The following PDCD11 variants were observed in gnomAD, a reference collection of about 807,000 sequenced individuals.
PDCD11 encodes the protein protein RRP5 homolog.
A neutral mutation model predicts 198.9 loss-of-function variants in PDCD11; 97 were observed. That is an observed-to-expected ratio of 0.49 (90% confidence interval 0.41 to 0.58). The LOEUF (loss-of-function observed/expected upper bound fraction) is 0.58, where lower values mean the gene tolerates loss of function less well. PDCD11 is among the 20% of genes least tolerant of loss of function. The pLI is 0.00. For synonymous variants in PDCD11, 893 were observed against 918.0 expected, an observed-to-expected ratio of 0.97 and a Z score of 0.49; for missense variants, 2,102 against 2,312.7, an observed-to-expected ratio of 0.91 and a Z score of 1.87.
intron 8 of PDCD11, among the ~76,000 whole-genome samples, chr10:103,411,035 A>G (rs1430512331): frequency 6.6e-6 from 1 of 151,052 alleles, no homozygotes; most frequent in Non-Finnish European, 1.5e-5. Flanking sequence ...AGATTGTGCC[A>G]CTGCACCCCA....
In PDCD11 at chr10:103,445,770, A is replaced by C; in HGVS notation, c.*221A>C. The stretch of plus-strand genomic sequence containing the variant: ...GTACCAACTTGTTATCTTTTTCCTT[A>C]TCTGAGGCTACCTGGGGATTGTGGG... On this transcript the variant is annotated 3_prime_UTR_variant, in exon 36 of 36. Transcript: ENST00000369797. 2 of 494,130 alleles carry C rather than the reference A, an allele frequency of 4.0e-6. No individual in the cohort carries two copies. Among genetic ancestry groups the C allele is most frequent in the Non-Finnish European group, 3.6e-6 (1 of 274,436 alleles). 30.6% of individuals were successfully genotyped at this position (494,130 alleles called of 1,614,324 possible). A position where few individuals can be genotyped will look rare whatever the true frequency, so the allele number is the denominator to read the frequency against.
At chr10:103,424,684 T>C (rs1002656133) in intron 19 of PDCD11, among the ~76,000 whole-genome samples, 9 of 152,214 alleles carry the variant, frequency 5.9e-5, no homozygotes, top group Non-Finnish European at 1.3e-4. Context: ...ATCAGAATTA[T>C]CTCAATAACT....
At position 103,439,789 on chromosome 10, in the gene PDCD11, T is replaced by G; in HGVS notation, c.4069T>G (p.Ser1357Ala). ...VVGLARYSHV[S>A]QHSPSKKALY... ...GGGTTTGGCTCGGTACTCCCATGTC[T>G]CCCAGCACAGCCCGTCCAAGAAAGC... Residue 1357 changes from serine (S) to alanine (A), a missense_variant, in exon 28 of 36, where the codon TCC becomes GCC. Physicochemically the swap from Ser to Ala is moderately conservative, Grantham distance 99. Coordinates refer to ENST00000369797, the MANE Select transcript of PDCD11 (RefSeq NM_014976.2). 1 of 1,614,136 alleles carries G rather than the reference T, an allele frequency of 6.2e-7. No homozygotes were observed. The highest frequency in any genetic ancestry group is 1.6e-4 in the Middle Eastern group (1 of 6,062).
chr10:103,399,587 A>T (rs554973766), intron 2 of PDCD11: 46 of 152,358 alleles, frequency 3.0e-4, no homozygotes, highest in African/African-American at 1.1e-3. Flanking sequence ...TCTCACCTAG[A>T]CTAGGCTGTG....
At position 103,427,316 on chromosome 10, in the gene PDCD11, T is replaced by C. The variant is rs1454924148; in HGVS notation, c.3306-13T>C. The C allele has an allele frequency of 6.2e-7, 1 of 1,609,428 alleles. No homozygotes were observed. The highest frequency in any genetic ancestry group is 1.7e-5 in the Admixed American group (1 of 59,962). On this transcript the variant is annotated splice_polypyrimidine_tract_variant and intron_variant, in intron 20 of 35. Coordinates refer to ENST00000369797, the MANE Select transcript of PDCD11 (RefSeq NM_014976.2). ...AGATGAAGAGAAATGATTCAGCTTA[T>C]TTGTTTCTCCAGGTATCTCCCAATA...
rs369958000 is a variant in PDCD11, at chr10:103,408,655, G to C, written c.871-1044G>C. ...ATCCAGGTTCAAGTGATTCTCCTGC[G>C]TTAGCCTCCAGAGTAGCTGGGACTA... is the stretch of plus-strand genomic sequence containing the variant. On this transcript the variant is annotated intron_variant, in intron 7 of 35. Coordinates refer to ENST00000369797, the MANE Select transcript of PDCD11 (RefSeq NM_014976.2). Among the ~76,000 whole-genome samples the C allele has an allele frequency of 3.3e-5, 5 of 151,868 alleles. No individual in the cohort carries two copies. The South Asian group carries it at 1.0e-3, about 32-fold the overall frequency.
At chr10:103,424,004 G>T (rs142859362) in intron 19 of PDCD11, among the ~76,000 whole-genome samples, 3 of 152,302 alleles carry the variant, frequency 2.0e-5, no homozygotes, top group African/African-American at 7.2e-5. Context: ...GTTCAGTCCC[G>T]CCCAATTGTT....
intron 7 of PDCD11, among the ~76,000 whole-genome samples, chr10:103,407,567 A>G (rs2030536097): frequency 6.6e-6 from 1 of 152,090 alleles, no homozygotes; most frequent in Admixed American, 6.5e-5. Context: ...CGTCTCAAAC[A>G]AACAAACAAA....
intron 29 of PDCD11, 59 bp from the exon 30 acceptor site, chr10:103,440,675 G>T: frequency 3.7e-6 from 6 of 1,613,334 alleles, no homozygotes; most frequent in Non-Finnish European, 5.1e-6. Context: ...GGCCGAGGGA[G>T]GGTGTCGCCT....
chr10:103,437,974 GCT>G (rs1249358420), intron 25 of PDCD11, 39 bp from the exon 26 acceptor site: 1 of 1,567,234 alleles, frequency 6.4e-7, no homozygotes, highest in East Asian at 2.2e-5. Context: ...GTTCACAGAT[GCT>G]GAAAATTGAG....
chr10:103,413,361 TGGAAG>T, intron 9 of PDCD11, 39 bp downstream of exon 9: 1 of 1,536,788 alleles, frequency 6.5e-7, no homozygotes, highest in Non-Finnish European at 9.0e-7. Flanking sequence ...ATCTTATCAC[TGGAAG>T]GACTTCTGGA....
chr10:103,419,426 G>A (rs1176575210), intron 15 of PDCD11, 112 bp from the exon 16 acceptor site: 1 of 1,182,346 alleles, frequency 8.5e-7, no homozygotes, highest in Non-Finnish European at 1.2e-6. Flanking sequence ...GAGAATCGCT[G>A]TAGCAGCAGA....
intron 28 of PDCD11, among the ~76,000 whole-genome samples, 174 bp from the exon 29 acceptor site, chr10:103,440,116 C>G (rs746810408): frequency 6.6e-6 from 1 of 152,212 alleles, no homozygotes; most frequent in Non-Finnish European, 1.5e-5. Flanking sequence ...CTGTATTTTT[C>G]TACTAAGCAT....
Position 103,442,057 on chromosome 10 carries a change from C to A in PDCD11, c.4707+82C>A. ...TGTGCTCTGTTCCTAGACTGGGTGT[C>A]TTCCTGGGTGAGTGGGGGAGGGGGC... On this transcript the variant is annotated intron_variant, in intron 31 of 35. Coordinates refer to ENST00000369797, the MANE Select transcript of PDCD11 (RefSeq NM_014976.2). 2.5e-6 allele frequency: 4 copies of A among 1,575,878 alleles called. No homozygotes were observed. In the Admixed American group the frequency reaches 6.8e-5, roughly 27 times the overall value.
chr10:103,444,807 C>T (rs2032531459), intron 35 of PDCD11, 125 bp downstream of exon 35: 1 of 862,390 alleles, frequency 1.2e-6, no homozygotes, highest in Non-Finnish European at 1.9e-6. Flanking sequence ...ATGTGATGCC[C>T]CAGGCCCAGT....
intron 4 of PDCD11, among the ~76,000 whole-genome samples, chr10:103,404,392 A>C (rs2030311881): frequency 6.7e-6 from 1 of 149,502 alleles, no homozygotes. Flanking sequence ...TCCAGCTCCC[A>C]GATTCAAGCA....
rs753029360 is a variant in PDCD11, at chr10:103,443,327, A to G, written c.5118A>G (p.Lys1706=). Reference sequence around the variant, plus strand: ...CTGACATCTACGCCAAGTCAGAGAAATTCCAGGTAGGAGGTTGGGCCACAG... The same window carrying G: ...CTGACATCTACGCCAAGTCAGAGAAGTTCCAGGTAGGAGGTTGGGCCACAG... ...HLADIYAKSE[K]FQEAGELYNR... The change falls in exon 33 of 36, where the codon AAA becomes AAG. Residue 1706 remains lysine, a synonymous_variant. Transcript: ENST00000369797. 3.1e-6 allele frequency: 5 copies of G among 1,604,424 alleles called. No homozygotes were observed. The highest frequency in any genetic ancestry group is 4.3e-6 in the Non-Finnish European group (5 of 1,173,222).
Position 103,406,603 on chromosome 10 carries a change from T to G in PDCD11, c.689-6T>G, listed in dbSNP as rs767501249. ...TTCCTTTTGGGGCCTGGGTCTGGGC[T>G]TACAGGTGCTAAACTAAAGGTGGGT... On this transcript the variant is annotated splice_region_variant and splice_polypyrimidine_tract_variant and intron_variant, in intron 6 of 35. Transcript: ENST00000369797. 7.4e-6 allele frequency: 12 copies of G among 1,613,338 alleles called. No homozygotes were observed. Among genetic ancestry groups the G allele is most frequent in the Middle Eastern group, 1.7e-4 (1 of 6,038 alleles).
At chr10:103,404,736 C>T (rs78582096) in intron 4 of PDCD11, among the ~76,000 whole-genome samples, 1 of 152,080 alleles carries the variant, frequency 6.6e-6, no homozygotes, top group Non-Finnish European at 1.5e-5. Flanking sequence ...TGCAGTGAGC[C>T]GAAGAATGAG....
Sources: gnomAD v4.1 joint callset for allele counts (sites outside exome capture counted in the v4.1 genomes callset) on GRCh38, gnomAD v4.1.1 for gene constraint, MANE v1.5 for transcripts, NCBI Gene and HGNC (gene_info 2026-07-23, HGNC 2026-07-21) for gene names.